The following TENM1 variants were observed in gnomAD, a reference collection of about 807,000 sequenced individuals.
TENM1 encodes the protein teneurin transmembrane protein 1.
TENM1 carries 35 observed loss-of-function variants against 174.8 expected under a neutral mutation model. That is an observed-to-expected ratio of 0.20 (90% CI 0.15 to 0.27). The LOEUF is 0.27. Ranked by LOEUF, TENM1 falls within the 10% of genes least tolerant of loss-of-function variation. The probability of loss-of-function intolerance (pLI) is 1.00; values close to 1 mark genes in which losing one functional copy is unlikely to be tolerated. For synonymous variants in TENM1, 781 were observed against 798.7 expected (o/e 0.98, Z 0.37); for missense variants, 1,633 against 2,130.1 (o/e 0.77, Z 4.59).
chrX:124,795,649 T>C (rs2055287828), intron 3 of TENM1, among the ~76,000 whole-genome samples: 1 of 111,395 alleles, frequency 9.0e-6, no homozygotes, highest in Non-Finnish European at 1.9e-5. Context: ...TCACCTCTTT[T>C]AATTCAGAAA....
At chrX:124,916,331 C>T (rs191384534) in intron 1 of TENM1, among the ~76,000 whole-genome samples, 6 of 110,871 alleles carry the variant, frequency 5.4e-5, no homozygotes, top group African/African-American at 1.3e-4. Flanking sequence ...TTTTTGAGAT[C>T]TGGTCTTGTC....
chrX:124,530,034 T>C, intron 15 of TENM1, 51 bp from the exon 19 acceptor site: 1 of 1,168,491 alleles, frequency 8.6e-7, no homozygotes. Context: ...GACTAGATTC[T>C]AGAAGTCAAG....
chrX:125,094,722 T>C, the TENM1 span, among the ~76,000 whole-genome samples: 1 of 111,950 alleles, frequency 8.9e-6, no homozygotes, highest in African/African-American at 3.2e-5. Context: ...TTTTCTGAAA[T>C]GGTCTGAATT....
chrX:124,803,378 G>T (rs777426760), intron 3 of TENM1, among the ~76,000 whole-genome samples: 1 of 111,677 alleles, frequency 9.0e-6, no homozygotes, highest in Non-Finnish European at 1.9e-5. Flanking sequence ...GCTGTTTCTT[G>T]CTTCAAGGCC....
chrX:124,727,717 G>A (rs909783904), intron 4 of TENM1, among the ~76,000 whole-genome samples: 2 of 111,580 alleles, frequency 1.8e-5, no homozygotes, highest in Admixed American at 1.9e-4. Flanking sequence ...ATTGTGAGAA[G>A]CTAGAAAGGA....
the TENM1 span, among the ~76,000 whole-genome samples, chrX:125,154,469 G>A: frequency 8.9e-6 from 1 of 111,871 alleles, no homozygotes; most frequent in Non-Finnish European, 1.9e-5. Context: ...AAACTACTTT[G>A]AAAATTCCAC....
At chrX:124,808,801 T>C (rs1423261509) in intron 3 of TENM1, among the ~76,000 whole-genome samples, 1 of 111,486 alleles carries the variant, frequency 9.0e-6, no homozygotes, top group Non-Finnish European at 1.9e-5. Flanking sequence ...GCATGAAACA[T>C]AGCATGCCAA....
At chrX:124,679,990 C>T (rs1350927221) in intron 5 of TENM1, among the ~76,000 whole-genome samples, 1 of 110,757 alleles carries the variant, frequency 9.0e-6, no homozygotes, top group East Asian at 2.8e-4. Context: ...TTTTGAAAAC[C>T]CGAAAAGCTG....
Position 124,928,614 on chromosome X carries a change from G to T in TENM1, c.218-32373C>A, listed in dbSNP as rs988015033. Reference sequence around the variant, plus strand: ...TACAACTTTGGCACATTACCCATCTGATGTGAACTTAGATCTTTTTAACAC... The same window carrying T: ...TACAACTTTGGCACATTACCCATCTTATGTGAACTTAGATCTTTTTAACAC... On this transcript the variant is annotated intron_variant, in intron 1 of 31. Transcript: ENST00000422452. 8.9e-5 allele frequency among the ~76,000 whole-genome samples: 10 copies of T among 112,120 alleles called. 1 individual carries two copies. In the Admixed American group the frequency reaches 9.5e-4, roughly 11 times the overall value.
chrX:124,389,315 G>C (rs771585890), intron 28 of TENM1, among the ~76,000 whole-genome samples: 37 of 112,130 alleles, frequency 3.3e-4, no homozygotes, highest in Non-Finnish European at 5.5e-4. Flanking sequence ...GAATTCACAA[G>C]GTAATACCAG....
Position 124,406,297 on chromosome X carries a change from A to G in TENM1, c.5155+20T>C. ...GACATAGGGGCTGTTACAGTCAGAT[A>G]TCGTTGGAAACAATCTTACCTTGTT... On this transcript the variant is annotated intron_variant, in intron 26 of 31. Transcript: ENST00000422452. 8.5e-7 allele frequency: 1 copy of G among 1,182,587 alleles called. No homozygotes were observed. The highest frequency in any genetic ancestry group is 1.1e-6 in the Non-Finnish European group (1 of 873,798).
intron 31 of TENM1, among the ~76,000 whole-genome samples, chrX:124,381,906 AG>A (rs780263991): frequency 8.9e-6 from 1 of 111,819 alleles, no homozygotes. Flanking sequence ...AATGTTTTTT[AG>A]AAGGACTTTT....
chrX:124,407,753 C>T (rs1414333627), intron 25 of TENM1, among the ~76,000 whole-genome samples: 1 of 112,600 alleles, frequency 8.9e-6, no homozygotes. Flanking sequence ...TGCACACACA[C>T]ATATATATTA....
At chrX:124,781,334 A>G (rs1327414523) in intron 3 of TENM1, among the ~76,000 whole-genome samples, 2 of 110,503 alleles carry the variant, frequency 1.8e-5, no homozygotes, top group Admixed American at 1.9e-4. Context: ...TCTTCCACCA[A>G]CCCCTCTAGC....
At chrX:124,736,997 T>A in exon 4 of TENM1, 1 of 1,211,411 alleles carries the variant, frequency 8.3e-7, no homozygotes, top group Non-Finnish European at 1.1e-6. Context: ...ACCCAGCTGT[T>A]ATGCAGATGG....
At chrX:124,899,008 G>T (rs1483171938) in intron 1 of TENM1, among the ~76,000 whole-genome samples, 1 of 111,280 alleles carries the variant, frequency 9.0e-6, no homozygotes. Flanking sequence ...AAGAGAAAAA[G>T]TTTCACTTAC....
chrX:125,098,196 G>A, the TENM1 span, among the ~76,000 whole-genome samples: 22 of 111,475 alleles, frequency 2.0e-4, no homozygotes, highest in African/African-American at 6.5e-4. Context: ...CCTGGGAGGC[G>A]GAGCTTGCAG....
At chrX:124,698,442 T>A (rs947875488) in intron 5 of TENM1, among the ~76,000 whole-genome samples, 3 of 111,202 alleles carry the variant, frequency 2.7e-5, no homozygotes, top group Non-Finnish European at 5.7e-5. Context: ...TTCCATCTCC[T>A]CCTTCTCCAT....
At chrX:125,028,132 T>A in the TENM1 span, among the ~76,000 whole-genome samples, 1 of 112,023 alleles carries the variant, frequency 8.9e-6, no homozygotes, top group Non-Finnish European at 1.9e-5. Flanking sequence ...AAACTCTCTC[T>A]CACACACAAA....
Sources: allele counts gnomAD v4.1 joint callset (sites outside exome capture counted in the v4.1 genomes callset), GRCh38; gene constraint gnomAD v4.1.1; transcripts MANE v1.5; gene names NCBI Gene and HGNC (gene_info 2026-07-23, HGNC 2026-07-21).